Variants in PHACTR2 observed in about 807,000 individuals in gnomAD.
The protein encoded by PHACTR2 is phosphatase and actin regulator 2, also known as chromosome 6 open reading frame 56.
Under a neutral mutation model 76.0 loss-of-function variants are expected in PHACTR2, and 30 were observed. The observed-to-expected ratio is 0.39, with a 90% confidence interval of 0.30 to 0.54. PHACTR2 has a LOEUF of 0.54. PHACTR2 is among the 20% of genes least tolerant of loss of function. The pLI, the probability that PHACTR2 is intolerant of heterozygous loss-of-function variation, is 0.61. For synonymous variants in PHACTR2, 292 were observed against 292.5 expected (o/e 1.00, Z 0.02); for missense variants, 696 against 781.1 (o/e 0.89, Z 1.30).
rs570302902 is a variant in PHACTR2 at position 143,569,993 on chromosome 6, T to C, written c.217+32786T>C. On this transcript the variant is annotated intron_variant, in intron 1 of 11. Transcript: ENST00000367584. ...AGTTCACAGAATTCGATTCAGTAGA[T>C]GTTTTTGAATGAGTAAACATTACTA... Among the ~76,000 whole-genome samples the C allele has an allele frequency of 3.9e-5, 6 of 152,364 alleles. No individual in the cohort carries two copies. In the South Asian group the frequency reaches 6.2e-4, roughly 16 times the overall value.
chr6:143,734,712 CTTAA>C (rs1395361321), intron 2 of PHACTR2, among the ~76,000 whole-genome samples: 2 of 152,142 alleles, frequency 1.3e-5, no homozygotes, highest in African/African-American at 4.8e-5. Flanking sequence ...CCACCCACAT[CTTAA>C]TTAAATAAGG....
At position 143,822,676 on chromosome 6, in the gene PHACTR2, CAG is replaced by C. The variant is rs1776449115; in HGVS notation, c.1923-995_1923-994del. ...CAGATGAGCATTCGACTGTAGAAGA[CAG>C]AGTGAAATGCTAGGCAGAGTTGCAT... On this transcript the variant is annotated intron_variant, in intron 12 of 12. Coordinates refer to ENST00000440869, the MANE Select transcript of PHACTR2 (RefSeq NM_001100164.2). The surrounding 1 kb of genome is among the most constrained non-coding windows in gnomAD (Gnocchi z 5.5). 6.6e-6 allele frequency among the ~76,000 whole-genome samples: 1 copy of C among 152,112 alleles called. No individual in the cohort carries two copies. The highest frequency in any genetic ancestry group is 6.6e-5 in the Admixed American group (1 of 15,264).
chr6:143,610,382 T>C lies in PHACTR2; in HGVS notation c.13+2060T>C, dbSNP rs956587043. 6.6e-6 allele frequency among the ~76,000 whole-genome samples: 1 copy of C among 152,234 alleles called. No individual in the cohort carries two copies. Among genetic ancestry groups the C allele is most frequent in the Admixed American group, 6.5e-5 (1 of 15,288 alleles). On this transcript the variant is annotated intron_variant, in intron 1 of 11. Coordinates refer to the PHACTR2 transcript ENST00000305766. This position sits in a 1 kb window ranked among gnomAD's most constrained non-coding sequence, Gnocchi z 4.9. ...ATGATGTTGAGTATTTGCCTAAATT[T>C]TTCTAATCAGAAATGAATTGAGGCC...
intron 11 of PHACTR2, among the ~76,000 whole-genome samples, chr6:143,796,921 C>T (rs2128481422): frequency 6.6e-6 from 1 of 152,262 alleles, no homozygotes; most frequent in African/African-American, 2.4e-5. Context: ...TTTGGGTATA[C>T]ATCCAGTAAT....
rs905764680 is a variant in PHACTR2, at chr6:143,822,056, C to G, written c.1923-1618C>G. Among the ~76,000 whole-genome samples, 11 of 152,022 alleles carry G rather than the reference C, an allele frequency of 7.2e-5. No individual in the cohort carries two copies. The highest frequency in any genetic ancestry group is 1.2e-4 in the African/African-American group (5 of 41,382). On this transcript the variant is annotated intron_variant, in intron 12 of 12. Transcript: ENST00000440869. This position sits in a 1 kb window ranked among gnomAD's most constrained non-coding sequence, Gnocchi z 5.5. ...AGAGGAAAGGGCATTAGCGCAAAAG[C>G]CTTTTTGGGGCAAGTGATTGAAATG...
intron 12 of PHACTR2, among the ~76,000 whole-genome samples, chr6:143,817,928 G>C (rs1431170142): frequency 6.6e-6 from 1 of 152,186 alleles, no homozygotes; most frequent in Non-Finnish European, 1.5e-5. Flanking sequence ...GTGTTCTATA[G>C]CACTGTAGGG....
At chr6:143,804,369 A>G (rs910569454) in intron 11 of PHACTR2, among the ~76,000 whole-genome samples, 3 of 152,160 alleles carry the variant, frequency 2.0e-5, no homozygotes, top group Non-Finnish European at 4.4e-5. Context: ...TAAAGTAGCA[A>G]GAAGCAAAAG....
Position 143,695,623 on chromosome 6 carries a change from G to A in PHACTR2, c.47-16393G>A, listed in dbSNP as rs1339317040. On this transcript the variant is annotated intron_variant, in intron 1 of 12. Coordinates refer to ENST00000440869, the MANE Select transcript of PHACTR2 (RefSeq NM_001100164.2). The surrounding 1 kb of genome is among the most constrained non-coding windows in gnomAD (Gnocchi z 4.4). ...TTCCTGCTAGATCTTTAAAAGGGAA[G>A]GGCAGAATAAACAGAGGGCCCTTTG... 1.3e-5 allele frequency among the ~76,000 whole-genome samples: 2 copies of A among 152,184 alleles called. No homozygotes were observed. Among genetic ancestry groups the A allele is most frequent in the Admixed American group, 1.3e-4 (2 of 15,282 alleles).
intron 1 of PHACTR2, among the ~76,000 whole-genome samples, chr6:143,629,875 A>G (rs946818212): frequency 2.0e-5 from 3 of 152,132 alleles, no homozygotes; most frequent in Admixed American, 2.0e-4. Context: ...TGTGTTATTC[A>G]TTGCTGGGAA....
Position 143,722,798 on chromosome 6 carries a change from A to G in PHACTR2, c.214+10615A>G, listed in dbSNP as rs534472913. ...CTTCTGGTAACTGTCGTTCTACTCT[A>G]TCTCCATGAGTTCAGTTTTTTTGTT... On this transcript the variant is annotated intron_variant, in intron 2 of 12. Transcript: ENST00000440869. This position sits in a 1 kb window ranked among gnomAD's most constrained non-coding sequence, Gnocchi z 4.1. Among the ~76,000 whole-genome samples the G allele has an allele frequency of 6.6e-6, 1 of 152,232 alleles. No individual in the cohort carries two copies. The highest frequency in any genetic ancestry group is 1.5e-5 in the Non-Finnish European group (1 of 67,996).
intron 1 of PHACTR2, among the ~76,000 whole-genome samples, chr6:143,563,729 C>T (rs1162067282): frequency 6.6e-6 from 1 of 151,910 alleles, no homozygotes; most frequent in Non-Finnish European, 1.5e-5. Flanking sequence ...CGCACGGTGG[C>T]TCATGCCTGT....
rs943080282 is a variant in PHACTR2, at chr6:143,742,821, C to T, written c.215-6164C>T. Among the ~76,000 whole-genome samples the T allele has an allele frequency of 1.3e-5, 2 of 152,184 alleles. No individual in the cohort carries two copies. The highest frequency in any genetic ancestry group is 2.4e-5 in the African/African-American group (1 of 41,436). On this transcript the variant is annotated intron_variant, in intron 2 of 12. Transcript: ENST00000440869. The surrounding 1 kb of genome is among the most constrained non-coding windows in gnomAD (Gnocchi z 4.5). ...ATGACATGATAAACACGACATCCCT[C>T]AGAAGGCTTAGACTAGAATCATGTG...
chr6:143,713,655 G>C (rs1316309520), intron 2 of PHACTR2, among the ~76,000 whole-genome samples: 1 of 152,158 alleles, frequency 6.6e-6, no homozygotes, highest in Non-Finnish European at 1.5e-5. Context: ...TGCAAAATCG[G>C]GTAGTTGAAT....
At chr6:143,613,740 G>A (rs1776016804) in intron 1 of PHACTR2, among the ~76,000 whole-genome samples, 2 of 152,104 alleles carry the variant, frequency 1.3e-5, no homozygotes, top group African/African-American at 4.8e-5. Flanking sequence ...TAAAGCACAA[G>A]CAAAAATGCA....
intron 12 of PHACTR2, among the ~76,000 whole-genome samples, chr6:143,817,443 G>A: frequency 6.6e-6 from 1 of 152,160 alleles, no homozygotes; most frequent in East Asian, 1.9e-4. Flanking sequence ...CTCCCTTTCT[G>A]GAGTATGGAC....
intron 1 of PHACTR2, among the ~76,000 whole-genome samples, chr6:143,634,876 T>A: frequency 6.6e-6 from 1 of 152,102 alleles, no homozygotes. Flanking sequence ...TAGTGGGGCG[T>A]CACAAATTTA....
chr6:143,608,688 G>C lies in PHACTR2; in HGVS notation c.13+366G>C, dbSNP rs542146306. ...AAGGTAGATGGAATTAAGTTAATGA[G>C]CTGAGCAAAAATTCTGTGTAAATAT... On this transcript the variant is annotated intron_variant, in intron 1 of 11. Transcript: ENST00000305766. This position sits in a 1 kb window ranked among gnomAD's most constrained non-coding sequence, Gnocchi z 4.6. Among the ~76,000 whole-genome samples the C allele has an allele frequency of 2.2e-4, 33 of 152,324 alleles. No homozygotes were observed. The South Asian group carries it at 5.2e-3, about 24-fold the overall frequency.
intron 1 of PHACTR2, among the ~76,000 whole-genome samples, chr6:143,593,016 C>T (rs1049539281): frequency 1.4e-5 from 2 of 144,434 alleles, no homozygotes; most frequent in African/African-American, 2.6e-5. Flanking sequence ...ACCTGCACTC[C>T]GGCCTGGGTG....
Position 143,780,606 on chromosome 6 carries a change from T to C in PHACTR2, c.1646-2613T>C, listed in dbSNP as rs1172231529. On this transcript the variant is annotated intron_variant, in intron 9 of 12. Transcript: ENST00000440869. This position sits in a 1 kb window ranked among gnomAD's most constrained non-coding sequence, Gnocchi z 4.4. ...GCTGGTATTTTTATACTTTTCTTTC[T>C]TCTTTTAGCTCATCCACAAAATTCT... Among the ~76,000 whole-genome samples, 1 of 152,272 alleles carries C rather than the reference T, an allele frequency of 6.6e-6. No individual in the cohort carries two copies. Among genetic ancestry groups the C allele is most frequent in the Non-Finnish European group, 1.5e-5 (1 of 68,052 alleles).
Sources: gnomAD v4.1 joint callset for allele counts (sites outside exome capture counted in the v4.1 genomes callset) on GRCh38, gnomAD v4.1.1 for gene constraint, Gnocchi (gnomAD v3.1) non-coding constraint, MANE v1.5 for transcripts, NCBI Gene and HGNC (gene_info 2026-07-23, HGNC 2026-07-21) for gene names.